Variants in TEX2 observed in about 807,000 individuals in gnomAD.
TEX2 encodes the protein testis-expressed protein 2.
TEX2 carries 53 observed loss-of-function variants against 106.9 expected under a neutral mutation model. The ratio of observed to expected loss-of-function variants is 0.50; its 90% CI spans 0.40 to 0.62. The LOEUF is 0.62. TEX2 is among the 20% of genes least tolerant of loss of function. The pLI, the probability that TEX2 is intolerant of heterozygous loss-of-function variation, is 0.00. For synonymous variants in TEX2, 523 were observed against 534.8 expected (o/e 0.98, Z 0.30); for missense variants, 1,207 against 1,379.0 (o/e 0.88, Z 1.98).
chr17:64,247,586 C>T (rs781832889), intron 1 of TEX2, among the ~76,000 whole-genome samples: 1 of 152,192 alleles, frequency 6.6e-6, no homozygotes, highest in African/African-American at 2.4e-5. Flanking sequence ...GGCGGCCAGG[C>T]TTGCGCACGG....
rs1388153759 is a variant in TEX2, at chr17:64,148,549, G to A, written c.*420C>T. 4.4e-5 allele frequency: 7 copies of A among 157,496 alleles called. No homozygotes were observed. Among genetic ancestry groups the A allele is most frequent in the African/African-American group, 7.2e-5 (3 of 41,562 alleles). 9.8% of individuals were successfully genotyped at this position (157,496 alleles called of 1,614,324 possible). A position where few individuals can be genotyped will look rare whatever the true frequency, so the allele number is the denominator to read the frequency against. ...ACATTCTCTGGAAGTGTGGAAGGCC[G>A]CATACAAAGTATAGAAGTGAAAAAG... On this transcript the variant is annotated 3_prime_UTR_variant, in exon 12 of 12. Coordinates refer to ENST00000584379, the MANE Select transcript of TEX2 (RefSeq NM_001288732.2).
intron 6 of TEX2, among the ~76,000 whole-genome samples, chr17:64,174,163 G>A (rs1324125228): frequency 6.6e-6 from 1 of 152,146 alleles, no homozygotes; most frequent in Non-Finnish European, 1.5e-5. Context: ...GTGTTTCTAT[G>A]GGAATGTCAG....
chr17:64,176,332 T>C (rs1339487468), intron 6 of TEX2, among the ~76,000 whole-genome samples: 2 of 152,224 alleles, frequency 1.3e-5, no homozygotes, highest in African/African-American at 4.8e-5. Flanking sequence ...ATTTTCCTTC[T>C]AATCTAGTTT....
At chr17:64,251,045 C>T (rs1400438282) in intron 1 of TEX2, among the ~76,000 whole-genome samples, 1 of 152,150 alleles carries the variant, frequency 6.6e-6, no homozygotes, top group Admixed American at 6.5e-5. Flanking sequence ...ATGATCAGGG[C>T]ACACAGAGTA....
At chr17:64,176,932 G>A (rs1320295362) in intron 6 of TEX2, among the ~76,000 whole-genome samples, 1 of 152,154 alleles carries the variant, frequency 6.6e-6, no homozygotes, top group East Asian at 1.9e-4. Context: ...TTTCCTCAGA[G>A]GATATACCAT....
intron 1 of TEX2, among the ~76,000 whole-genome samples, chr17:64,228,897 C>T (rs1258887029): frequency 1.3e-5 from 2 of 150,608 alleles, no homozygotes; most frequent in African/African-American, 4.9e-5. Flanking sequence ...TCTTGGACCA[C>T]CTCCTATGGC....
At chr17:64,223,923 G>A (rs987357084) in intron 1 of TEX2, among the ~76,000 whole-genome samples, 1 of 152,086 alleles carries the variant, frequency 6.6e-6, no homozygotes, top group African/African-American at 2.4e-5. Context: ...TACCATGTTG[G>A]CCAGGAGGCC....
chr17:64,194,988 G>A lies in TEX2; in HGVS notation c.1752C>T (p.Pro584=), dbSNP rs760225872. 6.2e-7 allele frequency: 1 copy of A among 1,614,054 alleles called. No homozygotes were observed. The highest frequency in any genetic ancestry group is 2.2e-5 in the East Asian group (1 of 44,880). Residue 584 remains proline (P), a synonymous_variant, in exon 3 of 12, where the codon CCC becomes CCT. Coordinates refer to ENST00000584379, the MANE Select transcript of TEX2 (RefSeq NM_001288732.2). ...TGGCCCTCCTGGATATATTTTTATT[G>A]GGCTTTGAAAGTCTTAAGGTTCCAC... The part of the protein sequence containing the change: ...LEGGTLRLSK[P]NKNISRRASY...
At chr17:64,196,223 A>C (rs1171416594) in intron 2 of TEX2, among the ~76,000 whole-genome samples, 1 of 152,210 alleles carries the variant, frequency 6.6e-6, no homozygotes, top group Non-Finnish European at 1.5e-5. Flanking sequence ...AGTTGGGACA[A>C]AGATTTTTTA....
intron 6 of TEX2, among the ~76,000 whole-genome samples, chr17:64,174,962 T>A (rs2031561386): frequency 6.6e-6 from 1 of 152,108 alleles, no homozygotes; most frequent in Non-Finnish European, 1.5e-5. Flanking sequence ...AGCAAAGAGT[T>A]CTCCATATGT....
intron 5 of TEX2, among the ~76,000 whole-genome samples, chr17:64,180,734 A>C (rs540516303): frequency 1.3e-5 from 2 of 152,366 alleles, no homozygotes; most frequent in East Asian, 3.9e-4. Flanking sequence ...TGTAGAGAAA[A>C]TTCAATGGTT....
At chr17:64,188,724 G>A (rs1037580907) in intron 4 of TEX2, among the ~76,000 whole-genome samples, 1 of 151,548 alleles carries the variant, frequency 6.6e-6, no homozygotes, top group South Asian at 2.1e-4. Flanking sequence ...GCTGAGGCAG[G>A]AGAATGGTGT....
intron 2 of TEX2, 72 bp downstream of exon 2, chr17:64,212,502 A>C: frequency 7.1e-7 from 1 of 1,414,590 alleles, no homozygotes; most frequent in East Asian, 2.3e-5. Flanking sequence ...CTAACCAAAA[A>C]ACAAGTCAGA....
intron 1 of TEX2, among the ~76,000 whole-genome samples, chr17:64,237,431 G>A (rs2033794693): frequency 6.6e-6 from 1 of 152,194 alleles, no homozygotes; most frequent in African/African-American, 2.4e-5. Flanking sequence ...AGACAGGTAT[G>A]CAGGTGACCA....
At chr17:64,250,222 G>A (rs2034064161) in intron 1 of TEX2, among the ~76,000 whole-genome samples, 1 of 152,186 alleles carries the variant, frequency 6.6e-6, no homozygotes, top group Admixed American at 6.5e-5. Flanking sequence ...ACACATCCAG[G>A]CACTGAGGAT....
intron 1 of TEX2, among the ~76,000 whole-genome samples, chr17:64,225,711 T>TC (rs1306333296): frequency 3.1e-5 from 4 of 130,568 alleles, no homozygotes; most frequent in South Asian, 2.3e-4. Flanking sequence ...TCTTTTCTTT[T>TC]TTTTTGTTTG....
At chr17:64,236,110 C>T (rs997741652) in intron 1 of TEX2, among the ~76,000 whole-genome samples, 1 of 151,934 alleles carries the variant, frequency 6.6e-6, no homozygotes, top group Non-Finnish European at 1.5e-5. Flanking sequence ...CTCTCCATAC[C>T]CACAGGTTCC....
At chr17:64,225,129 T>C (rs1291126981) in intron 1 of TEX2, among the ~76,000 whole-genome samples, 1 of 151,788 alleles carries the variant, frequency 6.6e-6, no homozygotes, top group Admixed American at 6.6e-5. Context: ...AAGTCATCTA[T>C]GTGTCTTAGA....
intron 2 of TEX2, among the ~76,000 whole-genome samples, chr17:64,208,980 C>T (rs139383693): frequency 2.6e-5 from 4 of 152,306 alleles, no homozygotes; most frequent in Non-Finnish European, 5.9e-5. Flanking sequence ...TCAATACCAA[C>T]TCACTGCTCA....
Sources: allele counts gnomAD v4.1 joint callset (sites outside exome capture counted in the v4.1 genomes callset), GRCh38; gene constraint gnomAD v4.1.1; transcripts MANE v1.5; gene names NCBI Gene and HGNC (gene_info 2026-07-23, HGNC 2026-07-21).